DCAF1: variants seen among roughly 807,000 people sequenced by gnomAD.
The protein encoded by DCAF1 is DDB1 and CUL4 associated factor 1, also known as DDB1- and CUL4-associated factor 1.
A neutral mutation model predicts 128.0 loss-of-function variants in DCAF1; 15 were observed. That is an observed-to-expected ratio of 0.12 (90% CI 0.08 to 0.18). The LOEUF (loss-of-function observed/expected upper bound fraction) is 0.18, where lower values mean the gene tolerates loss of function less well. Ranked by LOEUF, DCAF1 falls within the 10% of genes least tolerant of loss-of-function variation. The pLI is 1.00. For missense variants in DCAF1, 988 were observed against 1,649.5 expected (o/e 0.60, Z 6.95); for synonymous variants, 610 against 603.0 (o/e 1.01, Z -0.17).
upstream of DCAF1, chr3:51,500,108 C>G (rs1340319579): frequency 2.8e-5 from 3 of 106,580 alleles, no homozygotes; most frequent in African/African-American, 1.1e-4. Context: ...AACGCCTGCA[C>G]GATCGGGGAA....
intron 6 of DCAF1, among the ~76,000 whole-genome samples, chr3:51,451,762 CAA>C (rs5848923): frequency 1.1e-3 from 118 of 108,036 alleles, no homozygotes; most frequent in African/African-American, 2.7e-3. Context: ...AACTCTGTCT[CAA>C]AAAAAAAAAA....
chr3:51,440,962 A>T lies in DCAF1; in HGVS notation c.1128+8T>A, dbSNP rs1701307949. On this transcript the variant is annotated splice_region_variant and intron_variant, in intron 9 of 24. Transcript: ENST00000684031. ...TCCCCGGTGACCCAATATTTTTAAG[A>T]ACTTTACCTTTAGTGCCTCAAATGT... 7.5e-6 allele frequency: 12 copies of T among 1,602,050 alleles called. No homozygotes were observed. The highest frequency in any genetic ancestry group is 9.4e-6 in the Non-Finnish European group (11 of 1,175,120).
chr3:51,492,278 A>G lies in DCAF1; in HGVS notation c.-9+4456T>C, dbSNP rs1309182006. 2.6e-5 allele frequency among the ~76,000 whole-genome samples: 4 copies of G among 151,890 alleles called. No homozygotes were observed. In the East Asian group the frequency reaches 7.7e-4, roughly 29 times the overall value. On this transcript the variant is annotated intron_variant, in intron 2 of 24. Coordinates refer to ENST00000684031, the MANE Select transcript of DCAF1 (RefSeq NM_001387579.1). ...GCTGTGGCTCATGCCTATAATCCCAATACTTTAGGCAGATCATCTGAGGTC... is the reference window on the plus strand; with the variant it reads ...GCTGTGGCTCATGCCTATAATCCCAGTACTTTAGGCAGATCATCTGAGGTC...
chr3:51,462,385 T>G (rs924312265), intron 6 of DCAF1, among the ~76,000 whole-genome samples: 16 of 151,836 alleles, frequency 1.1e-4, no homozygotes, highest in African/African-American at 3.9e-4. Context: ...CACCACTGCA[T>G]TCCAGCCTGG....
chr3:51,492,620 A>G (rs564036867), intron 2 of DCAF1, among the ~76,000 whole-genome samples: 9 of 152,176 alleles, frequency 5.9e-5, no homozygotes, highest in Non-Finnish European at 1.3e-4. Flanking sequence ...ACCTACTAAC[A>G]TGACTGTAGT....
chr3:51,474,723 CA>C (rs1374431460), intron 3 of DCAF1, among the ~76,000 whole-genome samples: 6 of 150,788 alleles, frequency 4.0e-5, no homozygotes, highest in Non-Finnish European at 7.4e-5. Context: ...TGAGCTCAAA[CA>C]ATCCTCCTGC....
At chr3:51,428,529 T>C (rs1247326120) in intron 12 of DCAF1, among the ~76,000 whole-genome samples, 6 of 152,070 alleles carry the variant, frequency 3.9e-5, no homozygotes, top group Admixed American at 3.9e-4. Context: ...CTCACTATTG[T>C]TGCCCAGGCT....
At chr3:51,419,425 G>A (rs1559487760) in intron 15 of DCAF1, among the ~76,000 whole-genome samples, 2 of 152,028 alleles carry the variant, frequency 1.3e-5, no homozygotes, top group Admixed American at 6.6e-5. Flanking sequence ...GATTTGTCAA[G>A]AATCAGAACA....
At chr3:51,498,111 C>T (rs1708438075) in intron 1 of DCAF1, among the ~76,000 whole-genome samples, 1 of 142,658 alleles carries the variant, frequency 7.0e-6, no homozygotes, top group African/African-American at 2.6e-5. Flanking sequence ...TCTGTAATCC[C>T]AGCACTTTGG....
intron 9 of DCAF1, chr3:51,436,447 C>G (rs782716039): frequency 1.9e-6 from 1 of 519,720 alleles, no homozygotes; most frequent in African/African-American, 1.9e-5. Context: ...TGACACTGAG[C>G]CATGTCAGCC....
intron 7 of DCAF1, 21 bp from the exon 8 acceptor site, chr3:51,441,918 A>G (rs782512671): frequency 5.1e-6 from 8 of 1,559,634 alleles, no homozygotes; most frequent in Non-Finnish European, 6.9e-6. Context: ...ATAATTGGAG[A>G]AAAAGGGGGT....
intron 14 of DCAF1, 64 bp from the exon 15 acceptor site, chr3:51,421,061 C>T: frequency 1.3e-6 from 2 of 1,518,168 alleles, no homozygotes; most frequent in Non-Finnish European, 1.8e-6. Context: ...AATAGTTGTT[C>T]CAGAGTCAAA....
At chr3:51,472,478 T>C (rs1704867914) in intron 3 of DCAF1, among the ~76,000 whole-genome samples, 1 of 151,986 alleles carries the variant, frequency 6.6e-6, no homozygotes, top group Non-Finnish European at 1.5e-5. Flanking sequence ...CTTCAAACTC[T>C]TGGCCTCAAG....
chr3:51,402,507 T>C (rs892158253), intron 24 of DCAF1, among the ~76,000 whole-genome samples: 1 of 151,752 alleles, frequency 6.6e-6, no homozygotes, highest in African/African-American at 2.4e-5. Flanking sequence ...CTATGACTGC[T>C]TTCTCACTAC....
At position 51,426,370 on chromosome 3, in the gene DCAF1, C is replaced by T. The variant is rs781883075; in HGVS notation, c.1847+1002G>A. Among the ~76,000 whole-genome samples the T allele has an allele frequency of 2.0e-5, 3 of 151,860 alleles. No homozygotes were observed. In the East Asian group the frequency reaches 5.8e-4, roughly 29 times the overall value. ...GACTACAGGTGCGTAACACCACCCC[C>T]GGCTAATTTTTCTATTTTTAGTAGA... On this transcript the variant is annotated intron_variant, in intron 13 of 24. Coordinates refer to ENST00000684031, the MANE Select transcript of DCAF1 (RefSeq NM_001387579.1).
At chr3:51,480,243 C>T (rs1192881367) in intron 3 of DCAF1, among the ~76,000 whole-genome samples, 1 of 151,710 alleles carries the variant, frequency 6.6e-6, no homozygotes, top group African/African-American at 2.4e-5. Flanking sequence ...GCAGACATGC[C>T]AAGGAAAGGC....
chr3:51,435,645 G>C (rs1177010630), intron 9 of DCAF1, among the ~76,000 whole-genome samples: 3 of 151,712 alleles, frequency 2.0e-5, no homozygotes, highest in African/African-American at 7.3e-5. Context: ...CGGGAGGCCA[G>C]GGTTGCAGTG....
intron 1 of DCAF1, among the ~76,000 whole-genome samples, chr3:51,497,177 C>T (rs1384366080): frequency 6.6e-6 from 1 of 152,168 alleles, no homozygotes; most frequent in East Asian, 1.9e-4. Context: ...CACCTGTAAT[C>T]CCAGCTACTC....
rs1553632222 is a variant in DCAF1, at chr3:51,420,606, C to T, written c.2364G>A (p.Gln788=). ...CCTGCAGCACAGGCTCCTTCATCAG[C>T]TGCTGGATCTGGCAGCTGCTGAAAA... is the stretch of plus-strand genomic sequence containing the variant. The part of the protein sequence containing the change: ...LPLFSSCQIQ[Q]LMKEPVLQDK... Residue 788 remains glutamine (Q), a synonymous_variant, in exon 15 of 25, where the codon CAG becomes CAA. Coordinates refer to ENST00000684031, the MANE Select transcript of DCAF1 (RefSeq NM_001387579.1). This position sits in a 1 kb window ranked among gnomAD's most constrained non-coding sequence, Gnocchi z 6.5. 3 of 1,613,892 alleles carry T rather than the reference C, an allele frequency of 1.9e-6. No individual in the cohort carries two copies. In the African/African-American group the frequency reaches 4.0e-5, roughly 22 times the overall value.
Sources: allele counts gnomAD v4.1 joint callset (sites outside exome capture counted in the v4.1 genomes callset), GRCh38; gene constraint gnomAD v4.1.1; non-coding constraint Gnocchi (gnomAD v3.1); transcripts MANE v1.5; gene names NCBI Gene and HGNC (gene_info 2026-07-23, HGNC 2026-07-21).